Variants in SLC14A2 observed in about 807,000 individuals in gnomAD.
SLC14A2 encodes solute carrier family 14 member 2.
A neutral mutation model predicts 104.6 loss-of-function variants in SLC14A2; 91 were observed. That is an observed-to-expected ratio of 0.87 (90% CI 0.73 to 1.04). The LOEUF (loss-of-function observed/expected upper bound fraction) is 1.04. Ranked by LOEUF, SLC14A2 falls within the 50% of genes least tolerant of loss-of-function variation. The probability of loss-of-function intolerance (pLI) is 0.00; values close to 1 mark genes in which losing one functional copy is unlikely to be tolerated. For missense variants in SLC14A2, 1,189 were observed against 1,156.0 expected (o/e 1.03, Z -0.41); for synonymous variants, 476 against 466.4 (o/e 1.02, Z -0.27).
At chr18:45,407,215 T>G (rs1191059238) in intron 1 of SLC14A2, among the ~76,000 whole-genome samples, 2 of 152,240 alleles carry the variant, frequency 1.3e-5, no homozygotes, top group Non-Finnish European at 2.9e-5. Flanking sequence ...CTGGAAAATA[T>G]GCTGCAGCTT....
intron 2 of SLC14A2, among the ~76,000 whole-genome samples, chr18:45,489,502 C>T (rs1191884977): frequency 1.3e-5 from 2 of 152,138 alleles, no homozygotes; most frequent in African/African-American, 4.8e-5. Context: ...CAGAGCAAGA[C>T]TCTGTCTCAA....
At chr18:45,198,113 A>G in the SLC14A2 span, among the ~76,000 whole-genome samples, 1 of 152,204 alleles carries the variant, frequency 6.6e-6, no homozygotes, top group Non-Finnish European at 1.5e-5. Flanking sequence ...GGTTCTGCCT[A>G]TAGCTACCTG....
chr18:45,250,135 G>A (rs2084406354), intron 1 of SLC14A2, among the ~76,000 whole-genome samples: 1 of 152,100 alleles, frequency 6.6e-6, no homozygotes, highest in South Asian at 2.1e-4. Flanking sequence ...AACAAACATT[G>A]ATAACACTAC....
rs550875821 is a variant in SLC14A2 at position 45,281,509 on chromosome 18, G to A, written c.-125+68318G>A. Among the ~76,000 whole-genome samples, 274 of 152,278 alleles carry A rather than the reference G, an allele frequency of 1.8e-3. 1 individual carries two copies. Among genetic ancestry groups the A allele is most frequent in the Non-Finnish European group, 2.4e-3 (162 of 68,020 alleles). On this transcript the variant is annotated intron_variant, in intron 1 of 20. Coordinates refer to the SLC14A2 transcript ENST00000586448. ...GGAAGAAAAACAAAATATGGAATAA[G>A]TTTAGATATTTTTTGTTTGTTTCTT...
intron 1 of SLC14A2, among the ~76,000 whole-genome samples, chr18:45,288,242 C>G (rs188878051): frequency 6.6e-6 from 1 of 152,174 alleles, no homozygotes; most frequent in Non-Finnish European, 1.5e-5. Context: ...GGGTTCATCA[C>G]CAAAAACTCA....
At chr18:45,390,881 T>G (rs1216960124) in intron 1 of SLC14A2, among the ~76,000 whole-genome samples, 1 of 152,204 alleles carries the variant, frequency 6.6e-6, no homozygotes, top group Non-Finnish European at 1.5e-5. Flanking sequence ...AATCAGCACA[T>G]TTATTTTAAT....
At chr18:45,268,414 T>C (rs988874651) in intron 1 of SLC14A2, among the ~76,000 whole-genome samples, 7 of 152,138 alleles carry the variant, frequency 4.6e-5, no homozygotes, top group African/African-American at 1.7e-4. Flanking sequence ...TCAAAAACAG[T>C]CTCTAATACA....
At chr18:45,657,997 CCAAAGCATAGTCAGT>C (rs1408095348) in intron 10 of SLC14A2, among the ~76,000 whole-genome samples, 1 of 151,972 alleles carries the variant, frequency 6.6e-6, no homozygotes, top group Non-Finnish European at 1.5e-5. Context: ...CAAACTGTGG[CCAAAGCATAGTCAGT>C]CAAAGCATAG....
intron 1 of SLC14A2, among the ~76,000 whole-genome samples, chr18:45,271,839 A>G (rs2084654219): frequency 1.3e-5 from 2 of 152,156 alleles, no homozygotes; most frequent in Admixed American, 1.3e-4. Flanking sequence ...CAGAATAGCC[A>G]AAGCTGTCTT....
intron 2 of SLC14A2, among the ~76,000 whole-genome samples, chr18:45,496,565 A>C (rs576388786): frequency 6.6e-6 from 1 of 152,334 alleles, no homozygotes; most frequent in African/African-American, 2.4e-5. Context: ...CAGGAGTTCG[A>C]GGCCAGCCTG....
chr18:45,321,539 G>C (rs1051383959), intron 1 of SLC14A2, among the ~76,000 whole-genome samples: 1 of 152,188 alleles, frequency 6.6e-6, no homozygotes, highest in Non-Finnish European at 1.5e-5. Context: ...GTTCTGGAGC[G>C]TGGAGCCCTG....
At chr18:45,487,034 C>A (rs933422237) in intron 2 of SLC14A2, among the ~76,000 whole-genome samples, 2 of 152,214 alleles carry the variant, frequency 1.3e-5, no homozygotes, top group Non-Finnish European at 2.9e-5. Context: ...TTATTGCAAA[C>A]TTTAGTGGCT....
chr18:45,584,709 T>C (rs572791926), intron 2 of SLC14A2, among the ~76,000 whole-genome samples: 2 of 152,280 alleles, frequency 1.3e-5, no homozygotes, highest in African/African-American at 4.8e-5. Context: ...TCAGAAGTCG[T>C]AGAACCCAGC....
chr18:45,369,620 C>A (rs2085701696), intron 1 of SLC14A2, among the ~76,000 whole-genome samples: 1 of 152,132 alleles, frequency 6.6e-6, no homozygotes, highest in South Asian at 2.1e-4. Flanking sequence ...CATTTAATTT[C>A]TTTTAATAGT....
At chr18:45,221,967 A>G (rs1159524929) in intron 1 of SLC14A2, among the ~76,000 whole-genome samples, 1 of 152,190 alleles carries the variant, frequency 6.6e-6, no homozygotes, top group East Asian at 1.9e-4. Flanking sequence ...TGGTGGATCA[A>G]AAATGAGCAT....
At chr18:45,322,201 C>G (rs1295177287) in intron 1 of SLC14A2, among the ~76,000 whole-genome samples, 1 of 152,158 alleles carries the variant, frequency 6.6e-6, no homozygotes, top group Non-Finnish European at 1.5e-5. Flanking sequence ...ATGGGATTGT[C>G]ACATCTCACA....
chr18:45,241,453 T>G (rs951802340), intron 1 of SLC14A2, among the ~76,000 whole-genome samples: 7 of 152,090 alleles, frequency 4.6e-5, no homozygotes, highest in African/African-American at 1.4e-4. Flanking sequence ...AGGCCCTTTG[T>G]AGATAAGAAA....
chr18:45,676,483 A>G (rs2046231268), intron 18 of SLC14A2, among the ~76,000 whole-genome samples: 1 of 151,808 alleles, frequency 6.6e-6, no homozygotes, highest in African/African-American at 2.4e-5. Flanking sequence ...CAAATCTTAA[A>G]TGCCCAATTT....
At chr18:45,632,730 T>A (rs551292310) in intron 5 of SLC14A2, among the ~76,000 whole-genome samples, 9 of 152,282 alleles carry the variant, frequency 5.9e-5, no homozygotes, top group African/African-American at 2.2e-4. Context: ...CAGGCTGGAG[T>A]GCAGTGGCGC....
Sources: allele counts gnomAD v4.1 joint callset (sites outside exome capture counted in the v4.1 genomes callset), GRCh38; gene constraint gnomAD v4.1.1; transcripts MANE v1.5; gene names NCBI Gene and HGNC (gene_info 2026-07-23, HGNC 2026-07-21).